IGF2BP2: variants seen among roughly 807,000 people sequenced by gnomAD.
IGF2BP2 encodes insulin-like growth factor 2 mRNA-binding protein 2.
In IGF2BP2, 17 loss-of-function variants were observed where a neutral mutation model predicts 75.8. That is an observed-to-expected ratio of 0.22 (90% CI 0.15 to 0.34). The LOEUF (loss-of-function observed/expected upper bound fraction) is 0.34, where lower values mean the gene tolerates loss of function less well. Among genes scored for constraint, IGF2BP2 ranks in the 10% least tolerant of loss-of-function variants. IGF2BP2 has a pLI of 1.00. For synonymous variants in IGF2BP2, 288 were observed against 295.6 expected, an observed-to-expected ratio of 0.97 and a Z score of 0.26; for missense variants, 516 against 772.4, an observed-to-expected ratio of 0.67 and a Z score of 3.93.
At chr3:185,668,506 GAGATATAT>G (rs1228619903) in intron 10 of IGF2BP2, among the ~76,000 whole-genome samples, 3 of 128,006 alleles carry the variant, frequency 2.3e-5, no homozygotes, top group African/African-American at 9.1e-5. Flanking sequence ...GAGAGAGAGA[GAGATATAT>G]ATATATATAT....
At chr3:185,816,798 GC>G (rs1740671910) in intron 2 of IGF2BP2, among the ~76,000 whole-genome samples, 1 of 151,972 alleles carries the variant, frequency 6.6e-6, no homozygotes, top group Non-Finnish European at 1.5e-5. Flanking sequence ...TAAGATGCAG[GC>G]AAAAAATACT....
chr3:185,677,062 T>G (rs1185311499), intron 7 of IGF2BP2, among the ~76,000 whole-genome samples: 147 of 50,304 alleles, frequency 2.9e-3, no homozygotes, highest in African/African-American at 0.011. Context: ...TATATATATA[T>G]ATATATAGAG....
chr3:185,649,839 A>T (rs1389041790), intron 13 of IGF2BP2, among the ~76,000 whole-genome samples: 1 of 152,194 alleles, frequency 6.6e-6, no homozygotes, highest in Non-Finnish European at 1.5e-5. Flanking sequence ...GAGGGGATGC[A>T]ACTCTATGTC....
chr3:185,662,712 T>C lies in IGF2BP2; in HGVS notation c.1201-4303A>G, dbSNP rs1377044718. ...TACCCACCACCACGCATAGCTAATTTTTATATTTTTAGTAGAGATGGGGTT... is the reference window on the plus strand; with the variant it reads ...TACCCACCACCACGCATAGCTAATTCTTATATTTTTAGTAGAGATGGGGTT... On this transcript the variant is annotated intron_variant, in intron 10 of 15. Coordinates refer to ENST00000382199, the MANE Select transcript of IGF2BP2 (RefSeq NM_006548.6). Among the ~76,000 whole-genome samples the C allele has an allele frequency of 2.0e-5, 3 of 151,804 alleles. No individual in the cohort carries two copies. In the East Asian group the frequency reaches 5.9e-4, roughly 30 times the overall value.
chr3:185,685,087 C>A (rs190331536), intron 7 of IGF2BP2, among the ~76,000 whole-genome samples: 5 of 152,150 alleles, frequency 3.3e-5, no homozygotes, highest in Admixed American at 6.5e-5. Context: ...GTGGCTCACA[C>A]CTGTAATCCC....
At chr3:185,761,315 T>C (rs1732330975) in intron 2 of IGF2BP2, among the ~76,000 whole-genome samples, 1 of 152,190 alleles carries the variant, frequency 6.6e-6, no homozygotes, top group Non-Finnish European at 1.5e-5. Flanking sequence ...AGCTTTAGTT[T>C]AGAGAACTAA....
chr3:185,729,639 A>C (rs541423867), intron 2 of IGF2BP2: 2 of 152,348 alleles, frequency 1.3e-5, no homozygotes, highest in South Asian at 2.1e-4. Flanking sequence ...AAAAATTTTA[A>C]TGTAACAGAA....
chr3:185,796,577 A>AG (rs1185362658), intron 2 of IGF2BP2, among the ~76,000 whole-genome samples: 6 of 150,304 alleles, frequency 4.0e-5, no homozygotes, highest in Non-Finnish European at 8.8e-5. Context: ...AAAAAAAAAA[A>AG]AAAAAAAAAT....
intron 10 of IGF2BP2, among the ~76,000 whole-genome samples, chr3:185,665,048 C>T (rs1174780031): frequency 1.3e-5 from 2 of 151,686 alleles, no homozygotes; most frequent in South Asian, 2.1e-4. Flanking sequence ...ACCTGTAGTC[C>T]CTGCTACTCA....
At chr3:185,797,367 C>T (rs929188853) in intron 2 of IGF2BP2, among the ~76,000 whole-genome samples, 5 of 152,150 alleles carry the variant, frequency 3.3e-5, no homozygotes, top group Admixed American at 1.3e-4. Flanking sequence ...ATCCCATGTC[C>T]GGTACTCTTT....
At chr3:185,751,511 C>G (rs561163098) in intron 2 of IGF2BP2, among the ~76,000 whole-genome samples, 1 of 144,440 alleles carries the variant, frequency 6.9e-6, no homozygotes, top group East Asian at 2.0e-4. Flanking sequence ...AATTCTCCTG[C>G]TGAGGCAGGA....
At chr3:185,780,362 A>T (rs1735052479) in intron 2 of IGF2BP2, among the ~76,000 whole-genome samples, 1 of 152,198 alleles carries the variant, frequency 6.6e-6, no homozygotes, top group Non-Finnish European at 1.5e-5. Context: ...CACCTGTGGG[A>T]CAAATATTTT....
chr3:185,687,895 T>G (rs975540891), intron 6 of IGF2BP2, among the ~76,000 whole-genome samples: 1 of 152,026 alleles, frequency 6.6e-6, no homozygotes, highest in Non-Finnish European at 1.5e-5. Flanking sequence ...GCACACACTT[T>G]GAGAGCTAAC....
chr3:185,810,511 T>C (rs1005815492), intron 2 of IGF2BP2, among the ~76,000 whole-genome samples: 2 of 152,216 alleles, frequency 1.3e-5, no homozygotes, highest in African/African-American at 4.8e-5. Flanking sequence ...CAATGGCTCA[T>C]GCCTGTAATC....
intron 2 of IGF2BP2, chr3:185,724,451 G>T (rs752798586): frequency 6.6e-6 from 1 of 152,212 alleles, no homozygotes; most frequent in Non-Finnish European, 1.5e-5. Flanking sequence ...CCTGGTAGAG[G>T]TGGAGACGAT....
chr3:185,655,552 A>G (rs1228053738), intron 12 of IGF2BP2, among the ~76,000 whole-genome samples: 2 of 152,158 alleles, frequency 1.3e-5, no homozygotes, highest in Non-Finnish European at 2.9e-5. Flanking sequence ...GGCCCAGCAT[A>G]AAAAACATTG....
intron 2 of IGF2BP2, among the ~76,000 whole-genome samples, chr3:185,770,579 A>G (rs535029530): frequency 6.6e-6 from 1 of 152,276 alleles, no homozygotes; most frequent in South Asian, 2.1e-4. Context: ...TTGGTAACAG[A>G]CTCAAGACTC....
intron 2 of IGF2BP2, among the ~76,000 whole-genome samples, chr3:185,707,215 A>G (rs1283827777): frequency 6.8e-6 from 1 of 146,358 alleles, no homozygotes; most frequent in African/African-American, 2.6e-5. Flanking sequence ...CAAGAGTGAA[A>G]CTCCATCTCA....
intron 2 of IGF2BP2, among the ~76,000 whole-genome samples, chr3:185,761,121 C>T (rs1732301469): frequency 6.6e-6 from 1 of 152,060 alleles, no homozygotes. Flanking sequence ...ATGATTATTT[C>T]TGATGATGGA....
Sources: gnomAD v4.1 joint callset for allele counts (sites outside exome capture counted in the v4.1 genomes callset) on GRCh38, gnomAD v4.1.1 for gene constraint, MANE v1.5 for transcripts, NCBI Gene and HGNC (gene_info 2026-07-23, HGNC 2026-07-21) for gene names.